TASOR2: variants seen among roughly 807,000 people sequenced by gnomAD.
TASOR2 encodes the protein protein TASOR 2.
In TASOR2, 84 loss-of-function variants were observed where a neutral mutation model predicts 199.5. That is an observed-to-expected ratio of 0.42 (90% CI 0.35 to 0.50). The LOEUF is 0.50. TASOR2 is among the 20% of genes least tolerant of loss of function. The pLI is 0.02. For missense variants in TASOR2, 2,796 were observed against 2,835.9 expected (o/e 0.99, Z 0.32); for synonymous variants, 1,103 against 1,046.6 (o/e 1.05, Z -1.04).
At chr10:5,712,092 T>G (rs1486003724) in intron 1 of TASOR2, 1 of 188,176 alleles carries the variant, frequency 5.3e-6, no homozygotes, top group Non-Finnish European at 1.1e-5. Flanking sequence ...ACCTTGACAC[T>G]ACAGTTGTAT....
At chr10:5,734,735 T>C in intron 11 of TASOR2, among the ~76,000 whole-genome samples, 1 of 141,240 alleles carries the variant, frequency 7.1e-6, no homozygotes, top group East Asian at 2.1e-4. Flanking sequence ...TTTTTTTTTT[T>C]TTTTTTTTTT....
chr10:5,720,688 C>T lies in TASOR2; in HGVS notation c.26+20C>T. 1 of 1,613,974 alleles carries T rather than the reference C, an allele frequency of 6.2e-7. No individual in the cohort carries two copies. The highest frequency in any genetic ancestry group is 8.5e-7 in the Non-Finnish European group (1 of 1,179,972). On this transcript the variant is annotated intron_variant, in intron 4 of 20. Coordinates refer to ENST00000328090, the Ensembl canonical transcript of TASOR2. This position sits in a 1 kb window ranked among gnomAD's most constrained non-coding sequence, Gnocchi z 5.3. ...AAGCATGTAAGTAATTATGTGCATG[C>T]TTTGTTTTACTGAATTTGTTCCTTT...
chr10:5,746,749 A>G (rs1837276475), exon 15 of TASOR2: 1 of 1,614,138 alleles, frequency 6.2e-7, no homozygotes. Context: ...CCTGAGGGAC[A>G]TTCCCTCTCT....
chr10:5,735,948 G>A (rs916748114), intron 12 of TASOR2, among the ~76,000 whole-genome samples: 3 of 152,148 alleles, frequency 2.0e-5, no homozygotes, highest in Non-Finnish European at 4.4e-5. Context: ...GTCCAAAACT[G>A]TCAGTAATCC....
chr10:5,703,083 G>T (rs1588630989), intron 1 of TASOR2, among the ~76,000 whole-genome samples: 1 of 152,210 alleles, frequency 6.6e-6, no homozygotes. Flanking sequence ...CTTTTTATAT[G>T]AGCCTTTCTT....
chr10:5,761,557 C>A, intron 19 of TASOR2, 86 bp downstream of exon 20: 2 of 1,214,496 alleles, frequency 1.6e-6, no homozygotes. Context: ...TGAAGAGTAT[C>A]AGGTATCTAA....
rs201610460 is a variant in TASOR2 at position 5,762,973 on chromosome 10, A to G, written c.7290-56A>G. On this transcript the variant is annotated intron_variant, in intron 20 of 20. Transcript: ENST00000328090. ...CCCATTAGAGCATCCCGCTTATAAA[A>G]TATTTCTTGTTCGTATTATTTTAAG... The G allele has an allele frequency of 1.1e-3, 1,661 of 1,553,866 alleles. 33 individuals carry two copies. The highest frequency in any genetic ancestry group is 2.0e-4 in the Non-Finnish European group (227 of 1,134,148).
chr10:5,746,565 C>G, exon 15 of TASOR2: 1 of 1,614,164 alleles, frequency 6.2e-7, no homozygotes, highest in South Asian at 1.1e-5. Flanking sequence ...CAGTGATTAA[C>G]CCGGAACCAA....
chr10:5,749,408 A>G (rs754381006), exon 15 of TASOR2: 6 of 1,614,106 alleles, frequency 3.7e-6, no homozygotes, highest in Middle Eastern at 1.6e-4. Context: ...GGGGATTCTC[A>G]GCATTCTGCC....
At chr10:5,709,647 G>T in intron 1 of TASOR2, 1 of 1,231,004 alleles carries the variant, frequency 8.1e-7, no homozygotes, top group African/African-American at 1.6e-5. Context: ...TCGAGACAGG[G>T]TCCCTATCAG....
At chr10:5,741,045 TACC>T (rs1196073991) in intron 13 of TASOR2, among the ~76,000 whole-genome samples, 5 of 152,216 alleles carry the variant, frequency 3.3e-5, no homozygotes, top group Non-Finnish European at 7.4e-5. Flanking sequence ...TTCCCTTTCT[TACC>T]TCCTGTGATC....
At chr10:5,761,605 TCTGCTGAAG>T (rs1375623585) in intron 19 of TASOR2, 134 bp downstream of exon 20, 2 of 723,504 alleles carry the variant, frequency 2.8e-6, no homozygotes, top group South Asian at 3.5e-5. Flanking sequence ...ATCACCCAAA[TCTGCTGAAG>T]CTGAAGCCCT....
At chr10:5,691,809 G>T (rs1836454202) in intron 1 of TASOR2, among the ~76,000 whole-genome samples, 1 of 152,122 alleles carries the variant, frequency 6.6e-6, no homozygotes, top group Admixed American at 6.5e-5. Flanking sequence ...AGGGCTGCAT[G>T]GCTTATTGGG....
At chr10:5,747,406 G>A in exon 15 of TASOR2, 1 of 1,614,148 alleles carries the variant, frequency 6.2e-7, no homozygotes, top group Non-Finnish European at 8.5e-7. Flanking sequence ...ACCGGAAGAG[G>A]TGGCTCTCAC....
At chr10:5,744,932 G>T (rs1429772889) in intron 14 of TASOR2, among the ~76,000 whole-genome samples, 1 of 152,112 alleles carries the variant, frequency 6.6e-6, no homozygotes, top group East Asian at 1.9e-4. Context: ...CCCTACCTAA[G>T]ACAGAAATGT....
exon 15 of TASOR2, chr10:5,749,457 G>C: frequency 6.2e-7 from 1 of 1,614,142 alleles, no homozygotes; most frequent in South Asian, 1.1e-5. Flanking sequence ...CACCAACCCA[G>C]ATCTCCATTG....
At position 5,739,613 on chromosome 10, in the gene TASOR2, T is replaced by A; in HGVS notation, c.1448-5T>A. 1 of 1,604,834 alleles carries A rather than the reference T, an allele frequency of 6.2e-7. No individual in the cohort carries two copies. Among genetic ancestry groups the A allele is most frequent in the African/African-American group, 1.3e-5 (1 of 74,442 alleles). The stretch of plus-strand genomic sequence containing the variant: ...TCTCTCTTTTTTTTTTCTTTTATAC[T>A]GAAGTCAAAGGAGAAACTGCTTCAA... On this transcript the variant is annotated splice_polypyrimidine_tract_variant and splice_region_variant and intron_variant, in intron 12 of 20. Transcript: ENST00000328090.
exon 11 of TASOR2, chr10:5,731,203 G>A (rs756542426): frequency 6.3e-7 from 1 of 1,598,758 alleles, no homozygotes; most frequent in East Asian, 2.2e-5. Context: ...AAGAAAAAGA[G>A]GTAAGCACGA....
At position 5,720,756 on chromosome 10, in the gene TASOR2, C is replaced by T. The variant is rs766539498; in HGVS notation, c.28C>T (p.Leu10Phe). 1 of 1,612,560 alleles carries T rather than the reference C, an allele frequency of 6.2e-7. No homozygotes were observed. The highest frequency in any genetic ancestry group is 1.7e-5 in the Admixed American group (1 of 59,876). Residue 10 changes from leucine (L) to phenylalanine (F), a missense_variant and splice_region_variant, in exon 5 of 21, where the codon CTT becomes TTT. Coordinates refer to ENST00000328090, the Ensembl canonical transcript of TASOR2. This position sits in a 1 kb window ranked among gnomAD's most constrained non-coding sequence, Gnocchi z 5.3. ...TCTTTTTCTTTCTTTTTCTGCTAGACTTGAACGCAGTGAAAATGGTAAGAA... is the reference window on the plus strand; with the variant it reads ...TCTTTTTCTTTCTTTTTCTGCTAGATTTGAACGCAGTGAAAATGGTAAGAA...
Sources: gnomAD v4.1 joint callset for allele counts (sites outside exome capture counted in the v4.1 genomes callset) on GRCh38, gnomAD v4.1.1 for gene constraint, Gnocchi (gnomAD v3.1) non-coding constraint, MANE v1.5 for transcripts, NCBI Gene and HGNC (gene_info 2026-07-23, HGNC 2026-07-21) for gene names.